The following MALRD1 variants were observed in gnomAD, a reference collection of about 807,000 sequenced individuals.
MALRD1 encodes the protein MAM and LDL receptor class A domain containing 1.
MALRD1 carries 247 observed loss-of-function variants against 242.1 expected under a neutral mutation model. The ratio of observed to expected loss-of-function variants is 1.02; its 90% CI spans 0.92 to 1.13. The LOEUF (loss-of-function observed/expected upper bound fraction) is 1.13. MALRD1 is among the 50% of genes most tolerant of loss of function. The pLI is 0.00. For missense variants in MALRD1, 2,989 were observed against 2,533.1 expected (o/e 1.18, Z -3.86); for synonymous variants, 995 against 866.6 (o/e 1.15, Z -2.60).
At chr10:19,419,352 TG>T (rs1225573542) in intron 28 of MALRD1, among the ~76,000 whole-genome samples, 1 of 152,168 alleles carries the variant, frequency 6.6e-6, no homozygotes, top group Non-Finnish European at 1.5e-5. Flanking sequence ...TGGAGTGCAG[TG>T]GCACGATCTC....
At position 19,484,155 on chromosome 10, in the gene MALRD1, A is replaced by C. The variant is rs1421631401; in HGVS notation, c.5030-7362A>C. On this transcript the variant is annotated intron_variant, in intron 29 of 39. Coordinates refer to ENST00000454679, the MANE Select transcript of MALRD1 (RefSeq NM_001142308.3). ...GAGAGGGAGGAGGGCAAAGATTGAC[A>C]TGCTAACTTTTGTGACAAGCTCACT... 2.6e-5 allele frequency among the ~76,000 whole-genome samples: 4 copies of C among 152,320 alleles called. No individual in the cohort carries two copies. The East Asian group carries it at 7.7e-4, about 29-fold the overall frequency.
intron 28 of MALRD1, among the ~76,000 whole-genome samples, chr10:19,420,493 C>G (rs1009469733): frequency 6.6e-6 from 1 of 151,844 alleles, no homozygotes; most frequent in Non-Finnish European, 1.5e-5. Context: ...ATCACTATTC[C>G]CTACATCTAA....
intron 26 of MALRD1, among the ~76,000 whole-genome samples, chr10:19,376,247 A>G (rs1298449135): frequency 1.3e-5 from 2 of 152,214 alleles, no homozygotes; most frequent in African/African-American, 4.8e-5. Flanking sequence ...TAACTGTCTC[A>G]TATTTCATTT....
chr10:19,209,846 T>G (rs963879322), intron 18 of MALRD1, among the ~76,000 whole-genome samples, 166 bp downstream of exon 18: 1 of 152,192 alleles, frequency 6.6e-6, no homozygotes, highest in African/African-American at 2.4e-5. Flanking sequence ...TTTACATTGT[T>G]TCCTCCTTGA....
At chr10:19,491,407 A>G (rs1837486760) in intron 29 of MALRD1, 110 bp from the exon 30 acceptor site, 1 of 1,324,306 alleles carries the variant, frequency 7.6e-7, no homozygotes, top group Non-Finnish European at 1.0e-6. Context: ...CAACTGTTGA[A>G]ATCCTTAACT....
At chr10:19,454,822 T>C (rs1835560048) in intron 29 of MALRD1, among the ~76,000 whole-genome samples, 1 of 152,000 alleles carries the variant, frequency 6.6e-6, no homozygotes, top group Admixed American at 6.6e-5. Context: ...GAAAGCTATT[T>C]AAGTTTCATA....
At chr10:19,251,945 A>G (rs10827156) in intron 18 of MALRD1, among the ~76,000 whole-genome samples, 6,501 of 151,928 alleles carry the variant, frequency 0.043, 209 homozygotes, top group Non-Finnish European at 0.065. Flanking sequence ...TACTCCAGCC[A>G]TGTAGGAAAT....
chr10:19,185,316 A>G (rs576958019), intron 14 of MALRD1, among the ~76,000 whole-genome samples: 1 of 152,276 alleles, frequency 6.6e-6, no homozygotes, highest in South Asian at 2.1e-4. Context: ...TGAGCACTAT[A>G]ATTTATTTCT....
chr10:19,663,936 C>T (rs1841560180), intron 36 of MALRD1, among the ~76,000 whole-genome samples: 1 of 152,042 alleles, frequency 6.6e-6, no homozygotes, highest in African/African-American at 2.4e-5. Context: ...CACACCCATA[C>T]ACATTTCTGG....
At position 19,486,424 on chromosome 10, in the gene MALRD1, C is replaced by G. The variant is rs185893852; in HGVS notation, c.5030-5093C>G. Among the ~76,000 whole-genome samples the G allele has an allele frequency of 5.9e-5, 9 of 152,264 alleles. No homozygotes were observed. In the East Asian group the frequency reaches 1.7e-3, roughly 29 times the overall value. On this transcript the variant is annotated intron_variant, in intron 29 of 39. Transcript: ENST00000454679. Reference sequence around the variant, plus strand: ...GACTTTTCTTAGATATGTTTCCTGACTCACTGTATTCCATGGGAAAGTTCT... The same window carrying G: ...GACTTTTCTTAGATATGTTTCCTGAGTCACTGTATTCCATGGGAAAGTTCT...
intron 31 of MALRD1, among the ~76,000 whole-genome samples, chr10:19,516,687 C>A (rs931989509): frequency 6.7e-6 from 1 of 149,258 alleles, no homozygotes; most frequent in Non-Finnish European, 1.5e-5. Context: ...CTCATCTCCT[C>A]CCTCCCTTCC....
intron 11 of MALRD1, among the ~76,000 whole-genome samples, chr10:19,152,985 G>T (rs537684111): frequency 1.3e-5 from 2 of 152,154 alleles, no homozygotes; most frequent in Admixed American, 6.5e-5. Flanking sequence ...TTTTGAGGTT[G>T]TTCACTAGTC....
chr10:19,652,443 A>G (rs1840943854), intron 36 of MALRD1, among the ~76,000 whole-genome samples: 1 of 152,192 alleles, frequency 6.6e-6, no homozygotes, highest in South Asian at 2.1e-4. Flanking sequence ...TCAAAGGTAG[A>G]TAGTACCAAG....
chr10:19,189,917 C>T (rs1835899867), intron 14 of MALRD1, among the ~76,000 whole-genome samples: 1 of 152,002 alleles, frequency 6.6e-6, no homozygotes, highest in Non-Finnish European at 1.5e-5. Flanking sequence ...AAAGGATGTC[C>T]ATCCATATCC....
intron 36 of MALRD1, among the ~76,000 whole-genome samples, chr10:19,619,099 C>T (rs1455261990): frequency 1.3e-5 from 2 of 152,064 alleles, no homozygotes; most frequent in Non-Finnish European, 2.9e-5. Context: ...CTAGCCATCA[C>T]GAATTTCACG....
intron 38 of MALRD1, chr10:19,722,003 T>C (rs1350770151): frequency 6.6e-6 from 1 of 152,260 alleles, no homozygotes; most frequent in Non-Finnish European, 1.5e-5. Flanking sequence ...AAATATGTTA[T>C]TGAGGGTGGA....
intron 21 of MALRD1, among the ~76,000 whole-genome samples, chr10:19,286,247 C>T (rs1841107590): frequency 1.3e-5 from 2 of 149,954 alleles, no homozygotes; most frequent in Admixed American, 1.4e-4. Flanking sequence ...CCTTTTATTT[C>T]CTTCTCCTGC....
At chr10:19,634,380 C>CT (rs1472789277) in intron 36 of MALRD1, among the ~76,000 whole-genome samples, 1 of 152,076 alleles carries the variant, frequency 6.6e-6, no homozygotes, top group Non-Finnish European at 1.5e-5. Context: ...TTACGCAAGA[C>CT]TGAGCATTTA....
intron 28 of MALRD1, among the ~76,000 whole-genome samples, chr10:19,416,091 G>T (rs1003106264): frequency 5.9e-5 from 9 of 152,190 alleles, no homozygotes; most frequent in African/African-American, 2.2e-4. Context: ...AGGATAAACT[G>T]AAGTTCCTAT....
Sources: gnomAD v4.1 joint callset for allele counts (sites outside exome capture counted in the v4.1 genomes callset) on GRCh38, gnomAD v4.1.1 for gene constraint, MANE v1.5 for transcripts, NCBI Gene and HGNC (gene_info 2026-07-23, HGNC 2026-07-21) for gene names.